Variants in ZNF385B observed in about 807,000 individuals in gnomAD.
ZNF385B encodes zinc finger protein 533.
Under a neutral mutation model 39.2 loss-of-function variants are expected in ZNF385B, and 23 were observed. That is an observed-to-expected ratio of 0.59 (90% confidence interval 0.42 to 0.83). ZNF385B has a LOEUF of 0.83. Ranked by LOEUF, ZNF385B falls within the 40% of genes least tolerant of loss-of-function variation. The pLI, the probability that ZNF385B is intolerant of heterozygous loss-of-function variation, is 0.00. For missense variants in ZNF385B, 552 were observed against 598.9 expected (o/e 0.92, Z 0.82); for synonymous variants, 205 against 222.6 (o/e 0.92, Z 0.70).
chr2:179,726,288 T>A (rs1478248719), intron 3 of ZNF385B, among the ~76,000 whole-genome samples: 1 of 152,098 alleles, frequency 6.6e-6, no homozygotes, highest in Admixed American at 6.6e-5. Context: ...CCTCTTTTTA[T>A]CTTCTTAATG....
chr2:179,445,084 C>A, intron 8 of ZNF385B, 107 bp from the exon 9 acceptor site: 2 of 914,688 alleles, frequency 2.2e-6, no homozygotes, highest in South Asian at 1.4e-5. Context: ...GTCCATAGTT[C>A]CACGATGGTG....
At chr2:179,523,459 C>T (rs2105825661) in intron 4 of ZNF385B, among the ~76,000 whole-genome samples, 1 of 149,176 alleles carries the variant, frequency 6.7e-6, no homozygotes, top group South Asian at 2.1e-4. Flanking sequence ...GCAAGTGAAA[C>T]CTAGACACAG....
chr2:179,610,058 T>C (rs534147391), intron 3 of ZNF385B, among the ~76,000 whole-genome samples: 1 of 152,336 alleles, frequency 6.6e-6, no homozygotes, highest in South Asian at 2.1e-4. Flanking sequence ...AGAAGCTTTT[T>C]AACTTGGTAT....
rs758799531 is a variant in ZNF385B at position 179,483,409 on chromosome 2, C to G, written c.578G>C (p.Gly193Ala). The G allele has an allele frequency of 1.2e-6, 2 of 1,613,946 alleles. No individual in the cohort carries two copies. The highest frequency in any genetic ancestry group is 1.7e-6 in the Non-Finnish European group (2 of 1,179,892). ...SDSQAEAHYK[G>A]SKHAKKVKAL... Reference sequence around the variant, plus strand: ...TTTGACCTTCTTGGCATGTTTACTTCCTTTGTAGTGGGCCTCGGCCTGGCT... The same window carrying G: ...TTTGACCTTCTTGGCATGTTTACTTGCTTTGTAGTGGGCCTCGGCCTGGCT... The change falls in exon 6 of 10, where the codon GGA becomes GCA. Residue 193 changes from glycine to alanine, a missense_variant. Physicochemically the swap from Gly to Ala is moderately conservative, Grantham distance 60. Transcript: ENST00000410066.
chr2:179,762,260 G>C (rs1371911224), intron 3 of ZNF385B, among the ~76,000 whole-genome samples: 9 of 152,090 alleles, frequency 5.9e-5, no homozygotes, highest in Non-Finnish European at 1.2e-4. Context: ...CGTGATTTCG[G>C]CTCACTGCAA....
intron 3 of ZNF385B, among the ~76,000 whole-genome samples, chr2:179,716,949 G>A (rs563384896): frequency 6.6e-6 from 1 of 152,156 alleles, no homozygotes; most frequent in African/African-American, 2.4e-5. Flanking sequence ...CCATATGTCA[G>A]CCTCTGAGTC....
At chr2:179,842,999 C>G (rs919920306) in intron 1 of ZNF385B, among the ~76,000 whole-genome samples, 1 of 152,136 alleles carries the variant, frequency 6.6e-6, no homozygotes. Context: ...CTAGGTGTCA[C>G]CGCCCCCACC....
chr2:179,682,375 C>A (rs763643572), intron 3 of ZNF385B, among the ~76,000 whole-genome samples: 9 of 152,194 alleles, frequency 5.9e-5, no homozygotes, highest in Non-Finnish European at 1.3e-4. Context: ...TCCTACTGTT[C>A]CTGTTATAAC....
chr2:179,605,404 T>A (rs1403514827), intron 3 of ZNF385B, among the ~76,000 whole-genome samples: 1 of 152,180 alleles, frequency 6.6e-6, no homozygotes, highest in Non-Finnish European at 1.5e-5. Context: ...CTGAAAATTG[T>A]ATTAGAATCA....
intron 1 of ZNF385B, among the ~76,000 whole-genome samples, chr2:179,804,879 C>T (rs954673872): frequency 1.3e-5 from 2 of 152,160 alleles, no homozygotes; most frequent in Non-Finnish European, 2.9e-5. Flanking sequence ...CTAGTGAAGC[C>T]CTTCTCATTC....
intron 1 of ZNF385B, among the ~76,000 whole-genome samples, chr2:179,780,102 C>A (rs114074475): frequency 6.6e-6 from 1 of 152,102 alleles, no homozygotes; most frequent in South Asian, 2.1e-4. Flanking sequence ...AGAACCACTG[C>A]GCTAAAGATT....
At chr2:179,786,679 G>T (rs1432106496) in intron 1 of ZNF385B, among the ~76,000 whole-genome samples, 1 of 151,252 alleles carries the variant, frequency 6.6e-6, no homozygotes, top group African/African-American at 2.4e-5. Context: ...GCAGTGATAT[G>T]ACAGGTTTCT....
chr2:179,583,083 C>T (rs895004621), intron 3 of ZNF385B, among the ~76,000 whole-genome samples: 1 of 152,156 alleles, frequency 6.6e-6, no homozygotes, highest in Non-Finnish European at 1.5e-5. Flanking sequence ...CTCCTGACCT[C>T]AGGTGATCCA....
intron 3 of ZNF385B, among the ~76,000 whole-genome samples, chr2:179,567,323 GCTAT>G (rs1304345447): frequency 2.0e-5 from 3 of 152,102 alleles, no homozygotes; most frequent in African/African-American, 7.2e-5. Flanking sequence ...CTAGAAACAA[GCTAT>G]CTGTGGGGGG....
At chr2:179,779,732 G>A (rs115510770) in intron 1 of ZNF385B, among the ~76,000 whole-genome samples, 2 of 152,088 alleles carry the variant, frequency 1.3e-5, no homozygotes, top group African/African-American at 4.8e-5. Flanking sequence ...CCTGGGGGCA[G>A]AGGGAGAGAC....
chr2:179,472,102 T>G (rs1380964930), intron 6 of ZNF385B, among the ~76,000 whole-genome samples: 1 of 152,230 alleles, frequency 6.6e-6, no homozygotes, highest in Non-Finnish European at 1.5e-5. Context: ...TCTAATGGAA[T>G]ACACATCATT....
intron 3 of ZNF385B, among the ~76,000 whole-genome samples, chr2:179,630,745 C>G (rs182998405): frequency 6.6e-6 from 1 of 152,152 alleles, no homozygotes; most frequent in East Asian, 1.9e-4. Flanking sequence ...GTGTTCGAAC[C>G]CATCGCAAGG....
chr2:179,747,213 C>A (rs999076850), intron 3 of ZNF385B, among the ~76,000 whole-genome samples: 2 of 152,138 alleles, frequency 1.3e-5, no homozygotes, highest in African/African-American at 4.8e-5. Context: ...ACACAGCATT[C>A]TGGAGCAACA....
intron 1 of ZNF385B, among the ~76,000 whole-genome samples, chr2:179,807,911 AAAG>A (rs1706472539): frequency 6.6e-6 from 1 of 150,622 alleles, no homozygotes; most frequent in African/African-American, 2.4e-5. Context: ...AGAAAGAAAG[AAAG>A]AAAGAAAGAA....
Sources: gnomAD v4.1 joint callset for allele counts (sites outside exome capture counted in the v4.1 genomes callset) on GRCh38, gnomAD v4.1.1 for gene constraint, MANE v1.5 for transcripts, NCBI Gene and HGNC (gene_info 2026-07-23, HGNC 2026-07-21) for gene names.